The following CCDC83 variants were observed in gnomAD, a reference collection of about 807,000 sequenced individuals.
CCDC83 encodes coiled-coil domain containing 83, also known as coiled-coil domain-containing protein 83.
A neutral mutation model predicts 50.1 loss-of-function variants in CCDC83; 54 were observed. The ratio of observed to expected loss-of-function variants is 1.08; its 90% confidence interval spans 0.87 to 1.35. CCDC83 has a LOEUF of 1.35. CCDC83 is among the 40% of genes most tolerant of loss of function. The pLI is 0.00. For missense variants in CCDC83, 518 were observed against 473.9 expected (o/e 1.09, Z -0.86); for synonymous variants, 161 against 153.3 (o/e 1.05, Z -0.37).
At chr11:85,869,071 T>C (rs563318836) in intron 2 of CCDC83, among the ~76,000 whole-genome samples, 18 of 152,374 alleles carry the variant, frequency 1.2e-4, no homozygotes, top group African/African-American at 3.8e-4. Context: ...TTTTTGCCTG[T>C]TGATACAGGA....
intron 7 of CCDC83, 135 bp from the exon 8 acceptor site, chr11:85,911,145 TG>T: frequency 1.4e-6 from 1 of 704,240 alleles, no homozygotes; most frequent in East Asian, 3.6e-5. Context: ...CACTCCAGCC[TG>T]GGAGACAAAA....
intron 1 of CCDC83, among the ~76,000 whole-genome samples, chr11:85,862,167 T>A (rs945193088): frequency 5.9e-5 from 9 of 152,118 alleles, no homozygotes; most frequent in Admixed American, 1.3e-4. Context: ...TTGTGATATG[T>A]CCATTTTTAG....
rs778056020 is a variant in CCDC83 at position 85,911,415 on chromosome 11, A to AATAT, written c.794+17_794+20dup. ...TCAAGATACCCAGGTGAAAATTGTT[A>AATAT]ATATATAGAGAGTATTTTGTAAACA... On this transcript the variant is annotated intron_variant, in intron 8 of 10. Transcript: ENST00000342404. The AATAT allele has an allele frequency of 6.3e-7, 1 of 1,575,374 alleles. No individual in the cohort carries two copies. Among genetic ancestry groups the AATAT allele is most frequent in the Non-Finnish European group, 8.6e-7 (1 of 1,163,770 alleles).
intron 2 of CCDC83, among the ~76,000 whole-genome samples, chr11:85,870,540 G>A (rs2093231189): frequency 6.6e-6 from 1 of 152,054 alleles, no homozygotes; most frequent in Non-Finnish European, 1.5e-5. Context: ...ACAAATGTAA[G>A]CTTTAGGTAA....
chr11:85,879,201 G>A (rs2093285133), intron 3 of CCDC83, among the ~76,000 whole-genome samples: 1 of 152,028 alleles, frequency 6.6e-6, no homozygotes, highest in African/African-American at 2.4e-5. Context: ...CAAACTCTTT[G>A]CCTAGCCCTA....
intron 2 of CCDC83, among the ~76,000 whole-genome samples, chr11:85,870,692 A>T (rs2093232062): frequency 6.6e-6 from 1 of 152,060 alleles, no homozygotes; most frequent in Admixed American, 6.6e-5. Context: ...TATTTTGTGG[A>T]GGCTGCCCTA....
chr11:85,890,615 C>T (rs577592404), intron 5 of CCDC83, among the ~76,000 whole-genome samples: 38 of 152,158 alleles, frequency 2.5e-4, no homozygotes, highest in Non-Finnish European at 5.4e-4. Context: ...AATGTGTCAG[C>T]CTTAAATGCC....
intron 1 of CCDC83, among the ~76,000 whole-genome samples, chr11:85,858,924 T>G (rs572445961): frequency 1.3e-5 from 2 of 152,130 alleles, no homozygotes; most frequent in East Asian, 3.9e-4. Flanking sequence ...TAGTCTCTGT[T>G]TTATAGGAGT....
At chr11:85,913,629 T>A (rs1323563441) in intron 8 of CCDC83, among the ~76,000 whole-genome samples, 1 of 152,236 alleles carries the variant, frequency 6.6e-6, no homozygotes, top group South Asian at 2.1e-4. Context: ...CCTATTTGGA[T>A]GAGGAATGGG....
intron 6 of CCDC83, among the ~76,000 whole-genome samples, chr11:85,896,197 C>T (rs767811633): frequency 7.9e-5 from 12 of 151,810 alleles, no homozygotes; most frequent in African/African-American, 1.7e-4. Context: ...GAGGCCAAGG[C>T]GGGTGGATTG....
At chr11:85,869,792 C>T (rs934473724) in intron 2 of CCDC83, among the ~76,000 whole-genome samples, 1 of 152,148 alleles carries the variant, frequency 6.6e-6, no homozygotes, top group African/African-American at 2.4e-5. Flanking sequence ...CTTGAAGTCC[C>T]CATAATAGTG....
chr11:85,899,301 G>T (rs1408138617), intron 7 of CCDC83, among the ~76,000 whole-genome samples: 1 of 152,192 alleles, frequency 6.6e-6, no homozygotes, highest in East Asian at 1.9e-4. Context: ...TCATGAGCCT[G>T]CTTCCTCCTG....
chr11:85,911,175 T>TAAA (rs368467157), intron 7 of CCDC83, 106 bp from the exon 8 acceptor site: 116 of 661,320 alleles, frequency 1.8e-4, no homozygotes, highest in East Asian at 2.6e-4. Context: ...CCGTCTCAAA[T>TAAA]AAAAAAAAAA....
intron 6 of CCDC83, among the ~76,000 whole-genome samples, chr11:85,898,579 T>A (rs1423919984): frequency 6.6e-6 from 1 of 152,232 alleles, no homozygotes; most frequent in Non-Finnish European, 1.5e-5. Flanking sequence ...TTCATGTTTT[T>A]GCTATATGTT....
At chr11:85,880,246 T>C (rs372466343) in intron 3 of CCDC83, among the ~76,000 whole-genome samples, 2 of 152,142 alleles carry the variant, frequency 1.3e-5, no homozygotes. Flanking sequence ...GAACATGATA[T>C]GTTTCTCCAT....
chr11:85,903,929 T>C (rs1431039216), intron 7 of CCDC83, among the ~76,000 whole-genome samples: 1 of 151,960 alleles, frequency 6.6e-6, no homozygotes, highest in East Asian at 1.9e-4. Flanking sequence ...ATTGTTCCAT[T>C]GCACTCCAGC....
chr11:85,895,288 TAAA>T lies in CCDC83; in HGVS notation c.512-4_512-2del. 2 of 555,908 alleles carry T rather than the reference TAAA, an allele frequency of 3.6e-6. No individual in the cohort carries two copies. The highest frequency in any genetic ancestry group is 6.2e-5 in the South Asian group (2 of 32,254). The allele number at this position is 555,908 out of a possible 1,614,324, so 34.4% of individuals were successfully genotyped here. A position where few individuals can be genotyped will look rare whatever the true frequency, so the allele number is the denominator to read the frequency against. On this transcript the variant is annotated splice_acceptor_variant and splice_polypyrimidine_tract_variant and intron_variant, in intron 5 of 10. Coordinates refer to ENST00000342404, the MANE Select transcript of CCDC83 (RefSeq NM_001286159.2). LOFTEE classifies it high-confidence loss of function. ...TCTTTTTTTTTTTTTTTTTTTTTTT[TAAA>T]GAACACTATAAAATCACTCTGGAAG...
At chr11:85,886,798 A>G (rs1018286371) in intron 5 of CCDC83, among the ~76,000 whole-genome samples, 1 of 152,206 alleles carries the variant, frequency 6.6e-6, no homozygotes, top group Non-Finnish European at 1.5e-5. Context: ...CTGTAGCCCC[A>G]GCTACTTGAG....
chr11:85,874,537 G>A (rs1324621787), intron 3 of CCDC83, among the ~76,000 whole-genome samples: 2 of 152,216 alleles, frequency 1.3e-5, no homozygotes, highest in Non-Finnish European at 1.5e-5. Context: ...AGGAAAGACA[G>A]ATTCTAACTA....
Sources: gnomAD v4.1 joint callset for allele counts (sites outside exome capture counted in the v4.1 genomes callset) on GRCh38, gnomAD v4.1.1 for gene constraint, MANE v1.5 for transcripts, NCBI Gene and HGNC (gene_info 2026-07-23, HGNC 2026-07-21) for gene names.